The following FAM228B variants were observed in gnomAD, a reference collection of about 807,000 sequenced individuals.
The protein encoded by FAM228B is family with sequence similarity 228 member B.
A neutral mutation model predicts 42.6 loss-of-function variants in FAM228B; 38 were observed. The ratio of observed to expected loss-of-function variants is 0.89; its 90% CI spans 0.69 to 1.17. FAM228B has a LOEUF of 1.17. Ranked by LOEUF, FAM228B falls within the 50% of genes most tolerant of loss-of-function variation. FAM228B has a pLI of 0.00. For synonymous variants in FAM228B, 109 were observed against 122.3 expected (o/e 0.89, Z 0.72); for missense variants, 344 against 367.3 (o/e 0.94, Z 0.52).
At chr2:24,151,259 A>G (rs913735266) in intron 7 of FAM228B, among the ~76,000 whole-genome samples, 2 of 151,868 alleles carry the variant, frequency 1.3e-5, no homozygotes, top group African/African-American at 4.8e-5. Flanking sequence ...TTTTTCAACT[A>G]TAGAATTTCT....
At chr2:24,168,131 G>C (rs148503546) in intron 10 of FAM228B, 11 of 175,524 alleles carry the variant, frequency 6.3e-5, no homozygotes, top group African/African-American at 2.6e-4. Context: ...CCCAAGAGGA[G>C]ATATACAGTA....
At chr2:24,094,029 CTTTT>C (rs57620033) in intron 2 of FAM228B, among the ~76,000 whole-genome samples, 1 of 77,394 alleles carries the variant, frequency 1.3e-5, no homozygotes, top group Non-Finnish European at 2.4e-5. Flanking sequence ...TCGCCACATA[CTTTT>C]TTTTTTTTTT....
intron 2 of FAM228B, among the ~76,000 whole-genome samples, chr2:24,126,918 G>A (rs553431540): frequency 9.9e-5 from 15 of 152,174 alleles, no homozygotes; most frequent in African/African-American, 2.9e-4. Context: ...GCCACCGGGC[G>A]CCCGGCCAAG....
At chr2:24,124,207 G>A (rs189235991) in intron 1 of FAM228B, 123 bp from the exon 2 acceptor site, 6 of 564,886 alleles carry the variant, frequency 1.1e-5, no homozygotes, top group Non-Finnish European at 1.9e-5. Context: ...CCTCTTGTTA[G>A]GGAAACTGGA....
chr2:24,079,695 C>G lies in FAM228B; in HGVS notation c.-289-1181C>G, dbSNP rs1664917543. ...GTCAGCTTGGTGCTAAATAAGATAC[C>G]ATGGTATATTTGGGGATTATGGATA... On this transcript the variant is annotated intron_variant, in intron 1 of 10. Coordinates refer to the FAM228B transcript ENST00000613899. 3.2e-6 allele frequency: 5 copies of G among 1,547,738 alleles called. No individual in the cohort carries two copies. The South Asian group carries it at 5.7e-5, about 18-fold the overall frequency.
intron 7 of FAM228B, 77 bp downstream of exon 7, chr2:24,147,163 A>G (rs1666915841): frequency 9.9e-7 from 1 of 1,012,098 alleles, no homozygotes; most frequent in Non-Finnish European, 1.4e-6. Context: ...CATTTTTCAT[A>G]GTTATGATTT....
At chr2:24,139,971 A>G (rs1666705940) in intron 5 of FAM228B, among the ~76,000 whole-genome samples, 1 of 152,180 alleles carries the variant, frequency 6.6e-6, no homozygotes, top group African/African-American at 2.4e-5. Context: ...ATAAGTATAT[A>G]ATTTTCTTCA....
chr2:24,152,998 C>T (rs1210168296), intron 7 of FAM228B, among the ~76,000 whole-genome samples: 1 of 152,140 alleles, frequency 6.6e-6, no homozygotes, highest in Non-Finnish European at 1.5e-5. Context: ...GGGATTCTGC[C>T]AGGTCACCAC....
At chr2:24,079,465 C>A (rs756136109) in intron 1 of FAM228B, 2 of 1,614,176 alleles carry the variant, frequency 1.2e-6, no homozygotes, top group East Asian at 2.2e-5. Context: ...TAGACCTCAG[C>A]AAACTGGTGA....
chr2:24,165,166 GA>G (rs1326514838), intron 9 of FAM228B, among the ~76,000 whole-genome samples: 5 of 152,240 alleles, frequency 3.3e-5, no homozygotes, highest in Admixed American at 3.3e-4. Flanking sequence ...GAAGAATCAT[GA>G]ATTATTTAGA....
At chr2:24,160,722 C>A (rs1052992632) in intron 7 of FAM228B, among the ~76,000 whole-genome samples, 4 of 152,104 alleles carry the variant, frequency 2.6e-5, no homozygotes, top group African/African-American at 9.7e-5. Flanking sequence ...TTTCTCTGTG[C>A]CAGCAAAATT....
rs151130863 is a variant in FAM228B at position 24,105,361 on chromosome 2, A to T, written c.-121+10132A>T. 4.0e-3 allele frequency among the ~76,000 whole-genome samples: 604 copies of T among 152,344 alleles called. 6 individuals are homozygous for T. The highest frequency in any genetic ancestry group is 6.3e-3 in the Non-Finnish European group (431 of 68,038). On this transcript the variant is annotated intron_variant, in intron 3 of 10. Transcript: ENST00000613899. ...CCTCCAAGACCTAGGAGTGGACTAGAATTGAAAGCAGTTAACCAAACCCAC... is the reference window on the plus strand; with the variant it reads ...CCTCCAAGACCTAGGAGTGGACTAGTATTGAAAGCAGTTAACCAAACCCAC...
rs1666909770 is a variant in FAM228B, at chr2:24,146,982, T to C, written c.582T>C (p.His194=). 6.4e-7 allele frequency: 1 copy of C among 1,551,368 alleles called. No homozygotes were observed. The highest frequency in any genetic ancestry group is 2.0e-5 in the Admixed American group (1 of 50,980). The change falls in exon 7 of 11, where the codon CAT becomes CAC. Residue 194 remains histidine, a synonymous_variant. Transcript: ENST00000615575. ...EFKEVEKVQL[H]SRFPQISNSR... ...AAGAAGTTGAGAAGGTTCAGCTGCA[T>C]TCCAGATTCCCACAAATTTCTAATT...
intron 9 of FAM228B, among the ~76,000 whole-genome samples, chr2:24,164,853 C>T (rs1247648124): frequency 6.6e-6 from 1 of 152,090 alleles, no homozygotes. Flanking sequence ...GGAGCACCCA[C>T]GCTTCCTCAC....
At chr2:24,081,098 C>A in intron 2 of FAM228B, 1 of 1,309,750 alleles carries the variant, frequency 7.6e-7, no homozygotes, top group South Asian at 1.4e-5. Context: ...CAGGCATATT[C>A]TATCAAGATC....
At chr2:24,121,213 T>C, upstream of FAM228B, 2 of 1,614,222 alleles carry the variant, frequency 1.2e-6, no homozygotes, top group Non-Finnish European at 1.7e-6. Flanking sequence ...CTGTAATCTT[T>C]TCCCTTGAAA....
At chr2:24,112,855 T>C (rs1215156934) in intron 3 of FAM228B, among the ~76,000 whole-genome samples, 1 of 152,152 alleles carries the variant, frequency 6.6e-6, no homozygotes, top group East Asian at 1.9e-4. Flanking sequence ...CTCACCATTC[T>C]TTCCACACAA....
At chr2:24,149,833 GCTTT>G (rs1488646704) in intron 7 of FAM228B, among the ~76,000 whole-genome samples, 7 of 152,286 alleles carry the variant, frequency 4.6e-5, no homozygotes, top group Non-Finnish European at 8.8e-5. Flanking sequence ...CACCTGGCCT[GCTTT>G]CTTTCTTTTT....
chr2:24,105,293 C>A (rs1665681291), intron 3 of FAM228B, among the ~76,000 whole-genome samples: 1 of 152,150 alleles, frequency 6.6e-6, no homozygotes, highest in South Asian at 2.1e-4. Context: ...CAGAACACCC[C>A]AAAAAAGAAA....
Sources: allele counts gnomAD v4.1 joint callset (sites outside exome capture counted in the v4.1 genomes callset), GRCh38; gene constraint gnomAD v4.1.1; transcripts MANE v1.5; gene names NCBI Gene and HGNC (gene_info 2026-07-23, HGNC 2026-07-21).